Variants in SEMA3C observed in about 807,000 individuals in gnomAD.
SEMA3C encodes the protein semaphorin-3C.
In SEMA3C, 47 loss-of-function variants were observed where a neutral mutation model predicts 89.4. The ratio of observed to expected loss-of-function variants is 0.53; its 90% confidence interval spans 0.42 to 0.67. SEMA3C has a LOEUF of 0.67. SEMA3C is among the 30% of genes least tolerant of loss of function. The probability of loss-of-function intolerance (pLI) is 0.00; values close to 1 mark genes in which losing one functional copy is unlikely to be tolerated. For missense variants in SEMA3C, 839 were observed against 929.1 expected, an observed-to-expected ratio of 0.90 and a Z score of 1.26; for synonymous variants, 310 against 320.2, an observed-to-expected ratio of 0.97 and a Z score of 0.34.
chr7:80,820,712 G>A (rs1789726529), intron 4 of SEMA3C, among the ~76,000 whole-genome samples: 1 of 152,088 alleles, frequency 6.6e-6, no homozygotes, highest in Non-Finnish European at 1.5e-5. Flanking sequence ...GAGGTACCTG[G>A]AAATTGATTA....
chr7:80,746,419 A>T (rs1787800502), intron 17 of SEMA3C, among the ~76,000 whole-genome samples: 1 of 134,502 alleles, frequency 7.4e-6, no homozygotes, highest in South Asian at 2.5e-4. Context: ...TTGTGTATAA[A>T]CACATTCAGA....
chr7:80,827,038 T>A (rs575352790), intron 4 of SEMA3C, among the ~76,000 whole-genome samples: 1 of 152,238 alleles, frequency 6.6e-6, no homozygotes, highest in East Asian at 1.9e-4. Context: ...CCACTACCCT[T>A]TTGCCAAGAA....
At chr7:80,915,450 T>C (rs890112354) in intron 2 of SEMA3C, among the ~76,000 whole-genome samples, 26 of 152,140 alleles carry the variant, frequency 1.7e-4, no homozygotes, top group African/African-American at 6.0e-4. Flanking sequence ...GACTGGCAAG[T>C]GTCAGTCATT....
At chr7:80,900,577 G>C (rs1231510226) in intron 2 of SEMA3C, among the ~76,000 whole-genome samples, 1 of 152,168 alleles carries the variant, frequency 6.6e-6, no homozygotes, top group African/African-American at 2.4e-5. Context: ...GAGTTACATG[G>C]CTAGTAAGTG....
chr7:80,896,972 T>C (rs57764212), intron 2 of SEMA3C, among the ~76,000 whole-genome samples: 3,916 of 152,128 alleles, frequency 0.026, 151 homozygotes, highest in African/African-American at 0.085. Context: ...CCGGTGACAG[T>C]GTGTGGCAGG....
chr7:80,798,390 A>G (rs1165418454), intron 10 of SEMA3C, among the ~76,000 whole-genome samples, 154 bp from the exon 11 acceptor site: 1 of 152,220 alleles, frequency 6.6e-6, no homozygotes, highest in Non-Finnish European at 1.5e-5. Context: ...AAAAACTTTG[A>G]AAAAAGGTAT....
At chr7:80,758,065 G>A (rs1286206890) in intron 15 of SEMA3C, among the ~76,000 whole-genome samples, 1 of 152,158 alleles carries the variant, frequency 6.6e-6, no homozygotes, top group Non-Finnish European at 1.5e-5. Context: ...ATGAGTCCTA[G>A]GGGAGTAGGT....
Position 80,743,918 on chromosome 7 carries a change from C to T in SEMA3C, c.*976G>A, listed in dbSNP as rs191294769. 3 of 151,982 alleles carry T rather than the reference C, an allele frequency of 2.0e-5. No individual in the cohort carries two copies. Among genetic ancestry groups the T allele is most frequent in the African/African-American group, 4.8e-5 (2 of 41,434 alleles). The allele number at this position is 151,982 out of a possible 1,614,324, so 9.4% of individuals were successfully genotyped here. Reference sequence around the variant, plus strand: ...AAGGAAGAATCATTGAATTTGAGTACTGAAGTTGAAAACTAGCCATATTTG... The same window carrying T: ...AAGGAAGAATCATTGAATTTGAGTATTGAAGTTGAAAACTAGCCATATTTG... On this transcript the variant is annotated 3_prime_UTR_variant, in exon 18 of 18. Coordinates refer to ENST00000265361, the MANE Select transcript of SEMA3C (RefSeq NM_006379.5).
intron 2 of SEMA3C, among the ~76,000 whole-genome samples, chr7:80,892,754 T>C (rs1206484835): frequency 6.6e-6 from 1 of 152,166 alleles, no homozygotes; most frequent in Non-Finnish European, 1.5e-5. Flanking sequence ...CTACTCAAGT[T>C]TCTAACTAAA....
chr7:80,848,905 A>G (rs1583938362), intron 2 of SEMA3C, among the ~76,000 whole-genome samples: 2 of 152,222 alleles, frequency 1.3e-5, no homozygotes, highest in Admixed American at 6.5e-5. Context: ...AGATAGAAAA[A>G]TTCTTTTTCT....
chr7:80,910,782 T>C (rs373814497), intron 2 of SEMA3C, among the ~76,000 whole-genome samples: 4 of 152,016 alleles, frequency 2.6e-5, no homozygotes, highest in Admixed American at 6.6e-5. Flanking sequence ...AAGATGTTTA[T>C]GAAAGAAAAA....
At chr7:80,793,870 C>A (rs911415305) in intron 11 of SEMA3C, among the ~76,000 whole-genome samples, 1 of 118,058 alleles carries the variant, frequency 8.5e-6, no homozygotes, top group African/African-American at 2.8e-5. Context: ...TAACCTAACA[C>A]GTGGGGGATG....
At chr7:80,747,691 A>T (rs113038468) in intron 17 of SEMA3C, among the ~76,000 whole-genome samples, 45 of 152,306 alleles carry the variant, frequency 3.0e-4, no homozygotes, top group African/African-American at 1.1e-3. Context: ...AGCAAAGAAA[A>T]GAGATCTCAA....
chr7:80,836,215 T>C (rs1790121205), intron 2 of SEMA3C, among the ~76,000 whole-genome samples: 1 of 152,070 alleles, frequency 6.6e-6, no homozygotes, highest in South Asian at 2.1e-4. Context: ...AGCATGAAAA[T>C]GGTATCAGAC....
intron 4 of SEMA3C, among the ~76,000 whole-genome samples, chr7:80,821,570 C>T (rs1789748456): frequency 6.6e-6 from 1 of 152,182 alleles, no homozygotes; most frequent in African/African-American, 2.4e-5. Flanking sequence ...CAGGCATGTG[C>T]CACCACGCCC....
At chr7:80,912,922 C>T (rs941078217) in intron 2 of SEMA3C, among the ~76,000 whole-genome samples, 1 of 152,152 alleles carries the variant, frequency 6.6e-6, no homozygotes, top group Non-Finnish European at 1.5e-5. Context: ...AATAACAATT[C>T]ATCAGCTTTG....
intron 2 of SEMA3C, among the ~76,000 whole-genome samples, chr7:80,887,767 A>G (rs911705386): frequency 1.5e-4 from 23 of 152,192 alleles, no homozygotes; most frequent in Admixed American, 5.2e-4. Context: ...GTCATGGGAA[A>G]AAATCTTAAA....
At chr7:80,776,320 A>G (rs1788549208) in intron 12 of SEMA3C, among the ~76,000 whole-genome samples, 1 of 152,038 alleles carries the variant, frequency 6.6e-6, no homozygotes, top group Non-Finnish European at 1.5e-5. Flanking sequence ...CCTTCTCCAG[A>G]ATCTGCAATA....
At chr7:80,759,805 A>T (rs1377222247) in intron 14 of SEMA3C, among the ~76,000 whole-genome samples, 2 of 152,208 alleles carry the variant, frequency 1.3e-5, no homozygotes, top group Non-Finnish European at 2.9e-5. Context: ...TTCAAACTAC[A>T]AGAAAACAAC....
Sources: gnomAD v4.1 joint callset for allele counts (sites outside exome capture counted in the v4.1 genomes callset) on GRCh38, gnomAD v4.1.1 for gene constraint, MANE v1.5 for transcripts, NCBI Gene and HGNC (gene_info 2026-07-23, HGNC 2026-07-21) for gene names.